BRCA1: variants seen among roughly 807,000 people sequenced by gnomAD.
BRCA1 encodes the protein BRCA1 DNA repair associated.
BRCA1 carries 140 observed loss-of-function variants against 173.7 expected under a neutral mutation model. The ratio of observed to expected loss-of-function variants is 0.81; its 90% confidence interval spans 0.70 to 0.93. The LOEUF (loss-of-function observed/expected upper bound fraction) is 0.93. Among genes scored for constraint, BRCA1 ranks in the 40% least tolerant of loss-of-function variants. BRCA1 has a pLI of 0.00. For missense variants in BRCA1, 1,983 were observed against 2,172.5 expected, an observed-to-expected ratio of 0.91 and a Z score of 1.73; for synonymous variants, 662 against 756.0, an observed-to-expected ratio of 0.88 and a Z score of 2.04.
At position 43,119,976 on chromosome 17, in the gene BRCA1, G is replaced by A. The variant is rs186936074; in HGVS notation, c.80+4041C>T. The stretch of plus-strand genomic sequence containing the variant: ...AAAAAATTAAAATGTTCCCCTTCTA[G>A]GTCCTGATGAGAGTAAATGTTTACT... On this transcript the variant is annotated intron_variant, in intron 2 of 22. Transcript: ENST00000357654. Among the ~76,000 whole-genome samples the A allele has an allele frequency of 2.6e-5, 4 of 152,170 alleles. No homozygotes were observed. The highest frequency in any genetic ancestry group is 4.8e-5 in the African/African-American group (2 of 41,422).
At chr17:43,074,226 C>A (rs8176213) in intron 14 of BRCA1, 105 bp downstream of exon 14, 1 of 1,148,120 alleles carries the variant, frequency 8.7e-7, no homozygotes, top group Non-Finnish European at 1.3e-6. Flanking sequence ...ACAAAAGTGT[C>A]CATGATAGAC....
intron 7 of BRCA1, among the ~76,000 whole-genome samples, chr17:43,099,212 T>C (rs1226894913): frequency 6.6e-6 from 1 of 152,078 alleles, no homozygotes; most frequent in Non-Finnish European, 1.5e-5. Context: ...TTCTTATTGC[T>C]ACTCTCCATC....
chr17:43,152,333 T>C (rs1214875607), intron 1 of BRCA1, among the ~76,000 whole-genome samples: 3 of 152,220 alleles, frequency 2.0e-5, no homozygotes, highest in African/African-American at 7.2e-5. Flanking sequence ...CCACTCCACC[T>C]ACAAGTGGAG....
intron 21 of BRCA1, among the ~76,000 whole-genome samples, chr17:43,048,369 A>G (rs2051029632): frequency 6.6e-6 from 1 of 150,688 alleles, no homozygotes; most frequent in Non-Finnish European, 1.5e-5. Context: ...CGCCCAGCTA[A>G]TTTTTGTATT....
At chr17:43,089,954 C>T (rs1166676853) in intron 11 of BRCA1, among the ~76,000 whole-genome samples, 1 of 151,582 alleles carries the variant, frequency 6.6e-6, no homozygotes. Flanking sequence ...CTACAGTGAA[C>T]CATGACTGCA....
chr17:43,060,465 G>C (rs1277223299), intron 18 of BRCA1, among the ~76,000 whole-genome samples: 2 of 151,584 alleles, frequency 1.3e-5, no homozygotes, highest in African/African-American at 4.9e-5. Flanking sequence ...TGGAATTACA[G>C]GTGTGAGCCA....
chr17:43,088,125 A>G (rs184371342), intron 11 of BRCA1, among the ~76,000 whole-genome samples: 1 of 152,306 alleles, frequency 6.6e-6, no homozygotes, highest in Non-Finnish European at 1.5e-5. Flanking sequence ...AAGAATATAC[A>G]CCAATAAATT....
At chr17:43,062,976 C>T (rs973829633) in intron 18 of BRCA1, among the ~76,000 whole-genome samples, 1 of 151,922 alleles carries the variant, frequency 6.6e-6, no homozygotes, top group Non-Finnish European at 1.5e-5. Context: ...CTGCAACCCC[C>T]GCCTCCCAGG....
At chr17:43,089,672 C>T (rs2053368099) in intron 11 of BRCA1, among the ~76,000 whole-genome samples, 1 of 151,228 alleles carries the variant, frequency 6.6e-6, no homozygotes, top group East Asian at 1.9e-4. Context: ...TTTAGCCTCC[C>T]ATCTTTCTTT....
At chr17:43,111,801 G>A (rs190610767) in intron 3 of BRCA1, among the ~76,000 whole-genome samples, 202 of 151,128 alleles carry the variant, frequency 1.3e-3, no homozygotes, top group African/African-American at 4.7e-3. Flanking sequence ...CAGCCTGGGC[G>A]ACAGAGCGAG....
intron 15 of BRCA1, 43 bp downstream of exon 15, chr17:43,070,885 G>C (rs1292888846): frequency 6.2e-7 from 1 of 1,603,580 alleles, no homozygotes; most frequent in Non-Finnish European, 8.5e-7. Flanking sequence ...CCAGAATGTT[G>C]TTAAGTCTTA....
intron 6 of BRCA1, among the ~76,000 whole-genome samples, chr17:43,100,626 T>C (rs1417523280): frequency 7.0e-4 from 59 of 83,820 alleles, no homozygotes; most frequent in South Asian, 6.2e-3. Context: ...ATAACATATA[T>C]ATATGTTATA....
At chr17:43,091,135 G>A (rs2154261204) in intron 10 of BRCA1, 103 bp from the exon 11 acceptor site, 1 of 1,146,832 alleles carries the variant, frequency 8.7e-7, no homozygotes, top group Non-Finnish European at 1.3e-6. Context: ...TTACTTTCAT[G>A]TCACACAAAA....
rs1267019068 is a variant in BRCA1, at chr17:43,047,626, A to G, written c.5467+17T>C. 6.2e-7 allele frequency: 1 copy of G among 1,614,178 alleles called. No homozygotes were observed. The highest frequency in any genetic ancestry group is 8.5e-7 in the Non-Finnish European group (1 of 1,179,968). ...CAAAAGGACCCCATATAGCACAGGT[A>G]CATGCAGGCACCTTACCATGGAAGC... On this transcript the variant is annotated intron_variant, in intron 22 of 22. Coordinates refer to ENST00000357654, the MANE Select transcript of BRCA1 (RefSeq NM_007294.4).
chr17:43,112,404 T>C (rs1490560470), intron 3 of BRCA1: 1 of 152,124 alleles, frequency 6.6e-6, no homozygotes, highest in Admixed American at 6.6e-5. Context: ...TTAATTCTAA[T>C]ATAACATTCA....
chr17:43,088,000 C>T (rs1423896878), intron 11 of BRCA1, among the ~76,000 whole-genome samples: 1 of 152,048 alleles, frequency 6.6e-6, no homozygotes, highest in African/African-American at 2.4e-5. Flanking sequence ...AATCTTCCTG[C>T]CTCACCCTCC....
rs118133430 is a variant in BRCA1 at position 43,155,543 on chromosome 17, G to C, written c.-20+14583C>G. On this transcript the variant is annotated intron_variant, in intron 1 of 7. Coordinates refer to the BRCA1 transcript ENST00000634433. ...ACTATGTCCAGTGAAACTTTTTTTGGGGGGAGATGGAGTCTCACTCACTCT... is the reference window on the plus strand; with the variant it reads ...ACTATGTCCAGTGAAACTTTTTTTGCGGGGAGATGGAGTCTCACTCACTCT... Among the ~76,000 whole-genome samples, 932 of 151,818 alleles carry C rather than the reference G, an allele frequency of 6.1e-3. 27 individuals are homozygous for C. The East Asian group carries it at 0.079, about 13-fold the overall frequency.
intron 3 of BRCA1, among the ~76,000 whole-genome samples, chr17:43,107,890 T>C (rs2054865780): frequency 1.3e-5 from 2 of 152,158 alleles, no homozygotes; most frequent in Non-Finnish European, 2.9e-5. Context: ...TGTCTAGTAC[T>C]ATTCTAGATG....
At chr17:43,152,564 C>CA (rs773199142) in intron 1 of BRCA1, among the ~76,000 whole-genome samples, 1 of 150,888 alleles carries the variant, frequency 6.6e-6, no homozygotes, top group Non-Finnish European at 1.5e-5. Context: ...ATTAAAAATA[C>CA]AAAAAATTGG....
Sources: allele counts gnomAD v4.1 joint callset (sites outside exome capture counted in the v4.1 genomes callset), GRCh38; gene constraint gnomAD v4.1.1; transcripts MANE v1.5; gene names NCBI Gene and HGNC (gene_info 2026-07-23, HGNC 2026-07-21).